Variants in HS3ST3A1 observed in about 807,000 individuals in gnomAD.
The protein encoded by HS3ST3A1 is heparan sulfate glucosamine 3-O-sulfotransferase 3A1.
A neutral mutation model predicts 25.7 loss-of-function variants in HS3ST3A1; 19 were observed. The ratio of observed to expected loss-of-function variants is 0.74; its 90% CI spans 0.52 to 1.08. HS3ST3A1 has a LOEUF of 1.08. Ranked by LOEUF, HS3ST3A1 falls within the 50% of genes least tolerant of loss-of-function variation. The pLI is 0.00. For missense variants in HS3ST3A1, 459 were observed against 594.3 expected (o/e 0.77, Z 2.37); for synonymous variants, 226 against 278.6 (o/e 0.81, Z 1.88).
intron 1 of HS3ST3A1, among the ~76,000 whole-genome samples, chr17:13,506,312 T>A (rs1445890328): frequency 3.3e-5 from 5 of 152,144 alleles, no homozygotes; most frequent in Non-Finnish European, 7.3e-5. Flanking sequence ...TGGCCTCGAT[T>A]TCTTCATAAA....
At chr17:13,503,427 ATT>A (rs1905553529) in intron 1 of HS3ST3A1, among the ~76,000 whole-genome samples, 1 of 152,118 alleles carries the variant, frequency 6.6e-6, no homozygotes, top group Admixed American at 6.5e-5. Flanking sequence ...AGAAGAGAAG[ATT>A]TTTGAATGCT....
intron 1 of HS3ST3A1, among the ~76,000 whole-genome samples, chr17:13,520,558 G>A (rs1906198070): frequency 6.6e-6 from 1 of 151,962 alleles, no homozygotes; most frequent in African/African-American, 2.4e-5. Flanking sequence ...TGTAGAACCA[G>A]TCAACAGTGA....
Position 13,600,707 on chromosome 17 carries a change from C to A in HS3ST3A1, c.423G>T (p.Leu141=). Residue 141 remains leucine (L), a synonymous_variant, in exon 1 of 2, where the codon CTG becomes CTT. Coordinates refer to ENST00000284110, the MANE Select transcript of HS3ST3A1 (RefSeq NM_006042.3). ...STVAEAPPGT[L]ALLLDEGSKQ... Reference sequence around the variant, plus strand: ...TGCTGCCTTCGTCCAGGAGCAGCGCCAGGGTCCCCGGCGGGGCCTCGGCCA... The same window carrying A: ...TGCTGCCTTCGTCCAGGAGCAGCGCAAGGGTCCCCGGCGGGGCCTCGGCCA... The A allele has an allele frequency of 1.3e-6, 2 of 1,565,396 alleles. No individual in the cohort carries two copies. Among genetic ancestry groups the A allele is most frequent in the Non-Finnish European group, 1.7e-6 (2 of 1,163,064 alleles).
At chr17:13,503,333 G>A (rs1905549429) in intron 1 of HS3ST3A1, among the ~76,000 whole-genome samples, 1 of 152,176 alleles carries the variant, frequency 6.6e-6, no homozygotes, top group African/African-American at 2.4e-5. Flanking sequence ...ATTACAGCTA[G>A]ATAGGAGGAA....
intron 1 of HS3ST3A1, among the ~76,000 whole-genome samples, chr17:13,567,190 T>C (rs945680419): frequency 1.3e-5 from 2 of 152,214 alleles, no homozygotes; most frequent in Non-Finnish European, 2.9e-5. Flanking sequence ...CTGCCTGTGC[T>C]GTACAAATGG....
At chr17:13,567,772 C>T (rs1907710145) in intron 1 of HS3ST3A1, among the ~76,000 whole-genome samples, 1 of 152,292 alleles carries the variant, frequency 6.6e-6, no homozygotes, top group Middle Eastern at 3.4e-3. Context: ...TCACAATAAA[C>T]CTTGAACCGA....
chr17:13,544,679 C>T (rs1907034044), intron 1 of HS3ST3A1, among the ~76,000 whole-genome samples: 1 of 151,876 alleles, frequency 6.6e-6, no homozygotes, highest in Non-Finnish European at 1.5e-5. Flanking sequence ...GCACCCTGCT[C>T]CTTGGAACAA....
intron 1 of HS3ST3A1, among the ~76,000 whole-genome samples, chr17:13,527,789 T>C (rs968892818): frequency 1.3e-5 from 2 of 152,208 alleles, no homozygotes; most frequent in Non-Finnish European, 2.9e-5. Context: ...GGATCTGGCT[T>C]TGTGGAGTTT....
intron 1 of HS3ST3A1, among the ~76,000 whole-genome samples, chr17:13,519,705 T>G (rs1906169525): frequency 6.6e-6 from 1 of 152,204 alleles, no homozygotes. Context: ...TGGATTCTGA[T>G]GTATGGTTAT....
At chr17:13,574,053 C>A (rs181286748) in intron 1 of HS3ST3A1, among the ~76,000 whole-genome samples, 5 of 151,836 alleles carry the variant, frequency 3.3e-5, no homozygotes, top group African/African-American at 1.2e-4. Flanking sequence ...AAACTAAGAC[C>A]ATTCCCTAAT....
chr17:13,515,564 G>T (rs1301966003), intron 1 of HS3ST3A1, among the ~76,000 whole-genome samples: 5 of 149,774 alleles, frequency 3.3e-5, no homozygotes, highest in African/African-American at 1.2e-4. Context: ...GGACATCGTG[G>T]TCAGTAACAG....
Position 13,601,752 on chromosome 17 carries a change from C to T in HS3ST3A1, c.-623G>A, listed in dbSNP as rs1177225825. On this transcript the variant is annotated 5_prime_UTR_variant, in exon 1 of 2. Coordinates refer to ENST00000284110, the MANE Select transcript of HS3ST3A1 (RefSeq NM_006042.3). The stretch of plus-strand genomic sequence containing the variant: ...CGAGTCCCTCTGCCCGAGCGGGAGA[C>T]AGGAGGCCCGTGCAGAGCCGTCCAC... 6.6e-6 allele frequency: 1 copy of T among 152,656 alleles called. No individual in the cohort carries two copies. Among genetic ancestry groups the T allele is most frequent in the African/African-American group, 2.4e-5 (1 of 41,482 alleles). 9.5% of individuals were successfully genotyped at this position (152,656 alleles called of 1,614,324 possible). A position where few individuals can be genotyped will look rare whatever the true frequency, so the allele number is the denominator to read the frequency against.
intron 1 of HS3ST3A1, among the ~76,000 whole-genome samples, chr17:13,575,821 G>A (rs901279207): frequency 1.3e-5 from 2 of 152,234 alleles, no homozygotes; most frequent in Admixed American, 6.5e-5. Flanking sequence ...CAGTTAGATT[G>A]GGGGAGCTAG....
In HS3ST3A1 at chr17:13,534,547, C is replaced by CAAAAAAAAAAAAAA. The variant is rs34383911; in HGVS notation, c.600-37743_600-37730dup. ...GGTGAAACTTCATCTCTACAAAATC[C>CAAAAAAAAAAAAAA]AAAAAAAAAAAAAAAAAAAAAAAAA... is the stretch of plus-strand genomic sequence containing the variant. On this transcript the variant is annotated intron_variant, in intron 1 of 1. Transcript: ENST00000284110. Among the ~76,000 whole-genome samples, 30 of 32,826 alleles carry CAAAAAAAAAAAAAA rather than the reference C, an allele frequency of 9.1e-4. 3 individuals carry two copies. Among genetic ancestry groups the CAAAAAAAAAAAAAA allele is most frequent in the Non-Finnish European group, 1.5e-3 (26 of 16,966 alleles). The allele number at this position is 32,826 out of a possible 152,430, so 21.5% of individuals were successfully genotyped here.
chr17:13,502,749 A>G (rs1905522146), intron 1 of HS3ST3A1, among the ~76,000 whole-genome samples: 1 of 152,234 alleles, frequency 6.6e-6, no homozygotes, highest in African/African-American at 2.4e-5. Context: ...TTTAGGAAAA[A>G]TTAATTCCAG....
intron 1 of HS3ST3A1, among the ~76,000 whole-genome samples, chr17:13,558,486 G>A (rs1303845691): frequency 6.6e-6 from 1 of 152,072 alleles, no homozygotes; most frequent in Non-Finnish European, 1.5e-5. Context: ...CTATATGTAA[G>A]TAATAAAAAA....
At chr17:13,511,173 T>TA (rs1472230562) in intron 1 of HS3ST3A1, among the ~76,000 whole-genome samples, 3 of 152,210 alleles carry the variant, frequency 2.0e-5, no homozygotes, top group Non-Finnish European at 4.4e-5. Context: ...ACAAATTGCA[T>TA]ACACACACAA....
chr17:13,572,569 G>C (rs916995132), intron 1 of HS3ST3A1, among the ~76,000 whole-genome samples: 1 of 152,216 alleles, frequency 6.6e-6, no homozygotes, highest in Non-Finnish European at 1.5e-5. Flanking sequence ...GGTTGATATA[G>C]GGCTCACAAT....
At chr17:13,580,147 C>T (rs142104323) in intron 1 of HS3ST3A1, among the ~76,000 whole-genome samples, 92 of 151,856 alleles carry the variant, frequency 6.1e-4, no homozygotes, top group African/African-American at 2.2e-3. Flanking sequence ...CTTCAAATCA[C>T]TATGCTGATA....
Sources: allele counts gnomAD v4.1 joint callset (sites outside exome capture counted in the v4.1 genomes callset), GRCh38; gene constraint gnomAD v4.1.1; transcripts MANE v1.5; gene names NCBI Gene and HGNC (gene_info 2026-07-23, HGNC 2026-07-21).